The following GRID1 variants were observed in gnomAD, a reference collection of about 807,000 sequenced individuals.
GRID1 encodes glutamate receptor ionotropic, delta-1.
Under a neutral mutation model 98.0 loss-of-function variants are expected in GRID1, and 28 were observed. The ratio of observed to expected loss-of-function variants is 0.29; its 90% CI spans 0.21 to 0.39. The LOEUF is 0.39. Among genes scored for constraint, GRID1 ranks in the 10% least tolerant of loss-of-function variants. The pLI is 1.00. For missense variants in GRID1, 1,111 were observed against 1,340.5 expected, an observed-to-expected ratio of 0.83 and a Z score of 2.67; for synonymous variants, 553 against 538.5, an observed-to-expected ratio of 1.03 and a Z score of -0.37.
chr10:86,015,326 C>T (rs927500601), intron 4 of GRID1, among the ~76,000 whole-genome samples: 1 of 152,238 alleles, frequency 6.6e-6, no homozygotes, highest in Non-Finnish European at 1.5e-5. Flanking sequence ...AGCCACCAAA[C>T]TCCCTTTCAG....
chr10:85,953,619 T>A (rs1334557493), intron 4 of GRID1, among the ~76,000 whole-genome samples: 1 of 152,214 alleles, frequency 6.6e-6, no homozygotes, highest in Non-Finnish European at 1.5e-5. Flanking sequence ...GACTCTATAA[T>A]ATTCCTGGCC....
rs971797613 is a variant in GRID1 at position 86,321,582 on chromosome 10, A to T, written c.235+42359T>A. Among the ~76,000 whole-genome samples the T allele has an allele frequency of 5.3e-5, 8 of 152,272 alleles. No individual in the cohort carries two copies. In the East Asian group the frequency reaches 1.5e-3, roughly 29 times the overall value. ...GAAATGGTACCACAGGGCAAAGCATATCCGGGAGAGGGCTGCCATGAAGCT... is the reference window on the plus strand; with the variant it reads ...GAAATGGTACCACAGGGCAAAGCATTTCCGGGAGAGGGCTGCCATGAAGCT... On this transcript the variant is annotated intron_variant, in intron 2 of 15. Coordinates refer to ENST00000327946, the MANE Select transcript of GRID1 (RefSeq NM_017551.3).
intron 4 of GRID1, among the ~76,000 whole-genome samples, chr10:85,941,608 A>C (rs1289730241): frequency 6.6e-6 from 1 of 152,200 alleles, no homozygotes; most frequent in Non-Finnish European, 1.5e-5. Flanking sequence ...TGCAAAAGTG[A>C]TCCATGTTCA....
intron 4 of GRID1, among the ~76,000 whole-genome samples, chr10:86,104,146 A>G (rs1844343791): frequency 6.6e-6 from 1 of 152,092 alleles, no homozygotes; most frequent in Non-Finnish European, 1.5e-5. Flanking sequence ...CTGTTCTTTA[A>G]CAAGAACAGG....
At chr10:85,936,518 T>TGAA (rs112733912) in intron 4 of GRID1, among the ~76,000 whole-genome samples, 2 of 145,878 alleles carry the variant, frequency 1.4e-5, no homozygotes, top group African/African-American at 5.0e-5. Context: ...AGCACCAAAC[T>TGAA]AAAAAAAAAA....
intron 4 of GRID1, among the ~76,000 whole-genome samples, chr10:86,109,746 G>A (rs1040912353): frequency 1.3e-5 from 2 of 152,104 alleles, no homozygotes; most frequent in Non-Finnish European, 2.9e-5. Context: ...GATCCTAACT[G>A]AAAGCTCTCC....
intron 4 of GRID1, among the ~76,000 whole-genome samples, chr10:86,068,431 G>A (rs1468129276): frequency 3.3e-5 from 5 of 152,278 alleles, no homozygotes; most frequent in East Asian, 1.9e-4. Context: ...CATTCTGTGC[G>A]TTCCTCGCCA....
intron 3 of GRID1, among the ~76,000 whole-genome samples, chr10:86,157,900 G>T (rs989649667): frequency 1.3e-5 from 2 of 152,216 alleles, no homozygotes; most frequent in Non-Finnish European, 2.9e-5. Context: ...GTGGCTGCCT[G>T]AGCTCCGGCT....
At chr10:86,007,830 A>ATT (rs908350489) in intron 4 of GRID1, among the ~76,000 whole-genome samples, 1 of 150,484 alleles carries the variant, frequency 6.6e-6, no homozygotes, top group African/African-American at 2.4e-5. Context: ...TTTTTTATTT[A>ATT]TTTATTTATT....
At chr10:86,071,961 G>T (rs969733467) in intron 4 of GRID1, among the ~76,000 whole-genome samples, 3 of 152,194 alleles carry the variant, frequency 2.0e-5, no homozygotes, top group Non-Finnish European at 4.4e-5. Context: ...AGAGACACCT[G>T]CGTGAGCAGA....
rs187420622 is a variant in GRID1 at position 85,951,966 on chromosome 10, C to A, written c.727-35727G>T. ...ATCCTCCATCCCATCTCCCTAACTC[C>A]TTTATGAGCATCTCCCTTTCTCAAT... On this transcript the variant is annotated intron_variant, in intron 4 of 15. Transcript: ENST00000327946. 2.6e-5 allele frequency among the ~76,000 whole-genome samples: 4 copies of A among 152,340 alleles called. No individual in the cohort carries two copies. In the East Asian group the frequency reaches 7.7e-4, roughly 29 times the overall value.
At chr10:85,852,208 C>G (rs904922847) in intron 8 of GRID1, among the ~76,000 whole-genome samples, 12 of 152,250 alleles carry the variant, frequency 7.9e-5, no homozygotes, top group Admixed American at 5.9e-4. Context: ...TTATTAAGGG[C>G]AGATTTTAAA....
At chr10:85,623,047 T>A (rs1183050459) in intron 13 of GRID1, among the ~76,000 whole-genome samples, 2 of 152,192 alleles carry the variant, frequency 1.3e-5, no homozygotes, top group Non-Finnish European at 2.9e-5. Flanking sequence ...ACAGGCCAGA[T>A]TCTAGCTCTG....
intron 3 of GRID1, among the ~76,000 whole-genome samples, chr10:86,175,898 G>T (rs547822308): frequency 6.1e-4 from 93 of 152,316 alleles, no homozygotes; most frequent in African/African-American, 2.1e-3. Context: ...TGGTAGAGAC[G>T]GGGTTTCTCC....
intron 14 of GRID1, among the ~76,000 whole-genome samples, chr10:85,616,093 C>G (rs1373147201): frequency 1.3e-5 from 2 of 152,198 alleles, no homozygotes; most frequent in Non-Finnish European, 2.9e-5. Flanking sequence ...GTAATCAGAG[C>G]TCCATAAAAG....
chr10:86,219,945 C>T (rs1846229731), intron 2 of GRID1, among the ~76,000 whole-genome samples: 1 of 152,176 alleles, frequency 6.6e-6, no homozygotes, highest in Non-Finnish European at 1.5e-5. Context: ...AGCCCAGGCC[C>T]CAGCCCACCT....
intron 2 of GRID1, among the ~76,000 whole-genome samples, chr10:86,283,391 A>G (rs1278808487): frequency 6.6e-6 from 1 of 152,156 alleles, no homozygotes; most frequent in Non-Finnish European, 1.5e-5. Flanking sequence ...GGGCCCCAGT[A>G]TCTAGCCCAC....
At chr10:86,338,755 G>C (rs563022205) in intron 2 of GRID1, among the ~76,000 whole-genome samples, 15 of 152,168 alleles carry the variant, frequency 9.9e-5, no homozygotes, top group African/African-American at 3.1e-4. Flanking sequence ...ACAGGGTTTC[G>C]CCATGTTGGT....
chr10:85,729,315 C>T (rs919790506), intron 9 of GRID1, among the ~76,000 whole-genome samples, 198 bp downstream of exon 9: 1 of 152,152 alleles, frequency 6.6e-6, no homozygotes, highest in African/African-American at 2.4e-5. Context: ...TTGGAAGGCA[C>T]AGAGGTCCTG....
Sources: allele counts gnomAD v4.1 joint callset (sites outside exome capture counted in the v4.1 genomes callset), GRCh38; gene constraint gnomAD v4.1.1; transcripts MANE v1.5; gene names NCBI Gene and HGNC (gene_info 2026-07-23, HGNC 2026-07-21).